Variants in SDK1 observed in about 807,000 individuals in gnomAD.
The protein encoded by SDK1 is sidekick cell adhesion molecule 1.
SDK1 carries 157 observed loss-of-function variants against 245.5 expected under a neutral mutation model. The observed-to-expected ratio is 0.64, with a 90% CI of 0.56 to 0.73. The LOEUF (loss-of-function observed/expected upper bound fraction) is 0.73, where lower values mean the gene tolerates loss of function less well. Among genes scored for constraint, SDK1 ranks in the 30% least tolerant of loss-of-function variants. The pLI, the probability that SDK1 is intolerant of heterozygous loss-of-function variation, is 0.00. For synonymous variants in SDK1, 1,647 were observed against 1,278.5 expected (o/e 1.29, Z -6.15); for missense variants, 3,583 against 3,002.3 (o/e 1.19, Z -4.52).
At position 4,061,074 on chromosome 7, in the gene SDK1, G is replaced by A. The variant is rs184354741; in HGVS notation, c.2912-6764G>A. 6.6e-5 allele frequency among the ~76,000 whole-genome samples: 10 copies of A among 152,314 alleles called. No homozygotes were observed. The East Asian group carries it at 7.7e-4, about 12-fold the overall frequency. On this transcript the variant is annotated intron_variant, in intron 19 of 44. Coordinates refer to ENST00000404826, the MANE Select transcript of SDK1 (RefSeq NM_152744.4). Reference sequence around the variant, plus strand: ...GTAGTATAGTTTGAAGTCAGGTAGCGTGATGCTTCCAGCTTTGTTCTTTTG... The same window carrying A: ...GTAGTATAGTTTGAAGTCAGGTAGCATGATGCTTCCAGCTTTGTTCTTTTG...
intron 1 of SDK1, among the ~76,000 whole-genome samples, chr7:3,423,512 C>T (rs554790456): frequency 6.7e-5 from 10 of 150,022 alleles, no homozygotes; most frequent in African/African-American, 2.5e-4. Flanking sequence ...AAAACAAATT[C>T]GGGAATGAGA....
intron 5 of SDK1, among the ~76,000 whole-genome samples, chr7:3,866,552 AGAT>A (rs1196287134): frequency 1.3e-5 from 2 of 152,244 alleles, no homozygotes; most frequent in Admixed American, 1.3e-4. Context: ...GGGCAGGATG[AGAT>A]GATGAATTTT....
At chr7:3,975,324 A>C (rs1202586389) in intron 13 of SDK1, among the ~76,000 whole-genome samples, 8 of 152,222 alleles carry the variant, frequency 5.3e-5, no homozygotes. Context: ...TCATCAAGGC[A>C]GTGGCCAGCT....
chr7:4,008,431 C>T (rs964160733), intron 14 of SDK1, among the ~76,000 whole-genome samples: 3 of 152,272 alleles, frequency 2.0e-5, no homozygotes, highest in Non-Finnish European at 4.4e-5. Context: ...CACACCTGAA[C>T]AAAGGGGCAC....
chr7:3,443,115 C>A (rs986553040), intron 1 of SDK1, among the ~76,000 whole-genome samples: 2 of 150,990 alleles, frequency 1.3e-5, no homozygotes, highest in Non-Finnish European at 1.5e-5. Flanking sequence ...AGGGTTATAT[C>A]CTTAACATGT....
chr7:3,920,006 A>G (rs986593388), intron 5 of SDK1, among the ~76,000 whole-genome samples: 2 of 152,168 alleles, frequency 1.3e-5, no homozygotes, highest in African/African-American at 4.8e-5. Flanking sequence ...GTGGATGGCA[A>G]TTAGAACTTT....
At chr7:3,539,180 G>A (rs1778982801) in intron 1 of SDK1, among the ~76,000 whole-genome samples, 1 of 152,232 alleles carries the variant, frequency 6.6e-6, no homozygotes, top group African/African-American at 2.4e-5. Context: ...GTTAGGGGCT[G>A]TGGGGAGATG....
intron 4 of SDK1, among the ~76,000 whole-genome samples, chr7:3,787,441 C>T (rs1335018196): frequency 6.6e-6 from 1 of 152,068 alleles, no homozygotes; most frequent in African/African-American, 2.4e-5. Flanking sequence ...ACGCTGTGTT[C>T]CTCCCATTTG....
intron 4 of SDK1, among the ~76,000 whole-genome samples, chr7:3,644,183 T>C (rs1303679857): frequency 6.6e-6 from 1 of 150,742 alleles, no homozygotes; most frequent in Non-Finnish European, 1.5e-5. Flanking sequence ...ATTACAGGCA[T>C]GAGCCACCAC....
At chr7:4,038,008 G>A (rs1256494133) in intron 17 of SDK1, among the ~76,000 whole-genome samples, 1 of 152,116 alleles carries the variant, frequency 6.6e-6, no homozygotes, top group Non-Finnish European at 1.5e-5. Flanking sequence ...CACCCAGGTC[G>A]GTTCTTCAGG....
chr7:3,509,631 C>T (rs1782512084), intron 1 of SDK1, among the ~76,000 whole-genome samples: 1 of 152,150 alleles, frequency 6.6e-6, no homozygotes, highest in African/African-American at 2.4e-5. Context: ...GTCTGTCTGT[C>T]TCTGGGCCCC....
chr7:3,809,910 G>A (rs1222974906), intron 4 of SDK1, among the ~76,000 whole-genome samples: 18 of 152,174 alleles, frequency 1.2e-4, no homozygotes. Context: ...CCCCAACTCA[G>A]CTCACGAAGT....
intron 1 of SDK1, among the ~76,000 whole-genome samples, chr7:3,441,035 A>G (rs150873667): frequency 1.3e-5 from 2 of 152,290 alleles, no homozygotes; most frequent in Non-Finnish European, 2.9e-5. Context: ...CTGCGTCACA[A>G]TGCATACGTC....
chr7:4,166,896 G>T (rs1781533065), intron 32 of SDK1, among the ~76,000 whole-genome samples: 1 of 152,146 alleles, frequency 6.6e-6, no homozygotes. Context: ...GCCAGCAACG[G>T]CAGAGGGTCC....
At chr7:4,132,487 C>T (rs954838823) in intron 28 of SDK1, 64 bp downstream of exon 28, 36 of 1,166,962 alleles carry the variant, frequency 3.1e-5, no homozygotes, top group East Asian at 5.1e-5. Context: ...CTTGGGAGAC[C>T]GAGGCAGGTG....
At chr7:3,583,440 G>C (rs956352310) in intron 1 of SDK1, among the ~76,000 whole-genome samples, 15 of 152,160 alleles carry the variant, frequency 9.9e-5, no homozygotes, top group Admixed American at 3.9e-4. Flanking sequence ...AACACAAGGA[G>C]AGTCAGTAAA....
intron 1 of SDK1, among the ~76,000 whole-genome samples, chr7:3,515,294 G>A (rs539115347): frequency 7.2e-5 from 11 of 152,204 alleles, no homozygotes; most frequent in South Asian, 6.2e-4. Context: ...AAGAAAATTC[G>A]TTCTTCTTTT....
At chr7:3,999,690 G>A (rs1036666668) in intron 14 of SDK1, among the ~76,000 whole-genome samples, 10 of 152,210 alleles carry the variant, frequency 6.6e-5, no homozygotes, top group African/African-American at 2.4e-4. Flanking sequence ...AGGAGAAGCT[G>A]GAGGCTGGAG....
chr7:4,105,866 A>G (rs974664953), intron 22 of SDK1, among the ~76,000 whole-genome samples: 6 of 152,172 alleles, frequency 3.9e-5, no homozygotes, highest in African/African-American at 1.4e-4. Flanking sequence ...GCAGGGGGAC[A>G]GGTGTTGGAG....
Sources: allele counts gnomAD v4.1 joint callset (sites outside exome capture counted in the v4.1 genomes callset), GRCh38; gene constraint gnomAD v4.1.1; transcripts MANE v1.5; gene names NCBI Gene and HGNC (gene_info 2026-07-23, HGNC 2026-07-21).